GREB1L: variants seen among roughly 807,000 people sequenced by gnomAD.
GREB1L encodes the protein GREB1 like retinoic acid receptor coactivator.
In GREB1L, 17 loss-of-function variants were observed where a neutral mutation model predicts 200.8. The observed-to-expected ratio is 0.08, with a 90% CI of 0.06 to 0.13. The LOEUF (loss-of-function observed/expected upper bound fraction) is 0.13. Ranked by LOEUF, GREB1L falls within the 10% of genes least tolerant of loss-of-function variation. GREB1L has a pLI of 1.00. For missense variants in GREB1L, 1,657 were observed against 2,367.7 expected (o/e 0.70, Z 6.23); for synonymous variants, 789 against 893.0 (o/e 0.88, Z 2.08).
intron 2 of GREB1L, among the ~76,000 whole-genome samples, chr18:21,371,783 CAAAA>C (rs373133981): frequency 9.0e-5 from 7 of 77,736 alleles, no homozygotes; most frequent in Non-Finnish European, 2.0e-4. Flanking sequence ...GACTTCATCT[CAAAA>C]AAAAAAAAAA....
chr18:21,284,410 A>G (rs190753515), intron 1 of GREB1L, among the ~76,000 whole-genome samples: 9 of 152,190 alleles, frequency 5.9e-5, no homozygotes, highest in Non-Finnish European at 1.2e-4. Flanking sequence ...TAGAAATTTC[A>G]TACAGATGGA....
intron 23 of GREB1L, among the ~76,000 whole-genome samples, chr18:21,501,250 T>A (rs185183488): frequency 1.3e-3 from 184 of 147,152 alleles, no homozygotes; most frequent in African/African-American, 4.2e-3. Context: ...TTTGGGCTGT[T>A]TTTTTTTTTT....
intron 7 of GREB1L, among the ~76,000 whole-genome samples, chr18:21,426,328 A>T (rs932516460): frequency 1.3e-5 from 2 of 152,112 alleles, no homozygotes; most frequent in African/African-American, 2.4e-5. Context: ...AAGTGCTGGG[A>T]TTATAGGCAT....
At chr18:21,522,523 TA>T (rs1196815452) in intron 32 of GREB1L, 134 bp from the exon 33 acceptor site, 1 of 684,638 alleles carries the variant, frequency 1.5e-6, no homozygotes, top group African/African-American at 1.8e-5. Context: ...CTTAATAAAA[TA>T]AAACAATTCT....
chr18:21,290,122 C>T lies in GREB1L; in HGVS notation c.-120+47729C>T, dbSNP rs140855175. On this transcript the variant is annotated intron_variant, in intron 1 of 32. Coordinates refer to ENST00000424526, the MANE Select transcript of GREB1L (RefSeq NM_001142966.3). ...TAGAGTGGGCTTTGGCCTTGGAGTG[C>T]TTCTGTGGAAAATATAACAGTAGAT... is the stretch of plus-strand genomic sequence containing the variant. Among the ~76,000 whole-genome samples the T allele has an allele frequency of 5.2e-4, 79 of 152,234 alleles. No homozygotes were observed. The East Asian group carries it at 0.015, about 28-fold the overall frequency.
chr18:21,452,090 C>A lies in GREB1L; in HGVS notation c.1857C>A (p.Asp619Glu). 14 of 1,546,550 alleles carry A rather than the reference C, an allele frequency of 9.1e-6. No homozygotes were observed. Among genetic ancestry groups the A allele is most frequent in the Non-Finnish European group, 1.2e-5 (14 of 1,146,732 alleles). ...ATCTCTATTTTGTAATAGGCGATGA[C>A]CTAGACAAGCTGCTGGAAAAAATGC... ...SHFKTTSLGD[D>E]LDKLLEKMQQ... The change falls in exon 14 of 33, where the codon GAC (aspartate) becomes GAA (glutamate). Residue 619 changes from aspartate to glutamate, a missense_variant. Coordinates refer to ENST00000424526, the MANE Select transcript of GREB1L (RefSeq NM_001142966.3).
intron 27 of GREB1L, among the ~76,000 whole-genome samples, chr18:21,510,883 T>C (rs949562135): frequency 1.2e-4 from 19 of 152,136 alleles, no homozygotes; most frequent in Non-Finnish European, 2.6e-4. Flanking sequence ...TGTGATTTTG[T>C]TTTGCATTCC....
chr18:21,360,429 T>C (rs1202528986), intron 1 of GREB1L, among the ~76,000 whole-genome samples: 3 of 152,196 alleles, frequency 2.0e-5, no homozygotes, highest in Non-Finnish European at 4.4e-5. Context: ...TTTCGCCATG[T>C]TGGCCAGCCT....
chr18:21,253,460 A>C (rs2037746843), intron 1 of GREB1L, among the ~76,000 whole-genome samples: 1 of 152,094 alleles, frequency 6.6e-6, no homozygotes, highest in African/African-American at 2.4e-5. Flanking sequence ...CGTGTTGGCC[A>C]GGCTGGCCTC....
intron 1 of GREB1L, among the ~76,000 whole-genome samples, chr18:21,339,040 T>C (rs1294788827): frequency 6.6e-6 from 1 of 151,968 alleles, no homozygotes; most frequent in Admixed American, 6.6e-5. Flanking sequence ...AATACAAAAA[T>C]TCCTGGCGTG....
intron 1 of GREB1L, among the ~76,000 whole-genome samples, chr18:21,316,016 G>A (rs1468273580): frequency 3.9e-5 from 6 of 152,154 alleles, no homozygotes; most frequent in Non-Finnish European, 7.3e-5. Context: ...GAGGAAGGAG[G>A]CTAAGCAGCA....
intron 30 of GREB1L, 70 bp from the exon 31 acceptor site, chr18:21,517,964 T>G: frequency 8.5e-7 from 1 of 1,182,942 alleles, no homozygotes; most frequent in Non-Finnish European, 1.2e-6. Context: ...AGGATACACT[T>G]CAGTGTTTCC....
chr18:21,492,335 G>A (rs575750190), intron 19 of GREB1L, among the ~76,000 whole-genome samples: 94 of 151,852 alleles, frequency 6.2e-4, no homozygotes, highest in Admixed American at 6.1e-3. Flanking sequence ...GACAGAGCAA[G>A]ACTCTGTCTC....
chr18:21,444,120 G>A (rs2034074120), intron 10 of GREB1L, 104 bp from the exon 11 acceptor site: 2 of 714,338 alleles, frequency 2.8e-6, no homozygotes, highest in Admixed American at 3.1e-5. Context: ...ATCTCAGAGG[G>A]CAGGGAATTT....
At chr18:21,268,575 A>ATATATATATATACATG (rs1328490393) in intron 1 of GREB1L, among the ~76,000 whole-genome samples, 26 of 121,198 alleles carry the variant, frequency 2.1e-4, no homozygotes, top group Non-Finnish European at 3.6e-4. Flanking sequence ...ATATATATAT[A>ATATATATATATACATG]TATATATATA....
intron 4 of GREB1L, among the ~76,000 whole-genome samples, chr18:21,388,746 G>A (rs1362372357): frequency 2.6e-5 from 4 of 151,402 alleles, no homozygotes; most frequent in East Asian, 1.9e-4. Context: ...GGGTTTCACC[G>A]GTTCCTTTTG....
intron 7 of GREB1L, among the ~76,000 whole-genome samples, 192 bp from the exon 8 acceptor site, chr18:21,439,327 TTC>T (rs1467192625): frequency 6.6e-6 from 1 of 152,178 alleles, no homozygotes; most frequent in Non-Finnish European, 1.5e-5. Flanking sequence ...AGGAAATTGT[TTC>T]TAAGTGACAT....
chr18:21,246,376 A>G (rs143935274), intron 1 of GREB1L, among the ~76,000 whole-genome samples: 2 of 152,348 alleles, frequency 1.3e-5, no homozygotes, highest in East Asian at 3.9e-4. Context: ...TAAAAGGACT[A>G]TATAAATTTA....
intron 24 of GREB1L, 92 bp downstream of exon 24, chr18:21,505,659 C>T (rs557379955): frequency 1.9e-5 from 27 of 1,437,528 alleles, no homozygotes; most frequent in African/African-American, 1.7e-4. Context: ...CGCTCTTATG[C>T]GCATCATTTT....
Sources: allele counts gnomAD v4.1 joint callset (sites outside exome capture counted in the v4.1 genomes callset), GRCh38; gene constraint gnomAD v4.1.1; transcripts MANE v1.5; gene names NCBI Gene and HGNC (gene_info 2026-07-23, HGNC 2026-07-21).